The following SPIDR variants were observed in gnomAD, a reference collection of about 807,000 sequenced individuals.
SPIDR encodes the protein DNA repair-scaffolding protein.
In SPIDR, 93 loss-of-function variants were observed where a neutral mutation model predicts 104.6. The observed-to-expected ratio is 0.89, with a 90% CI of 0.75 to 1.06. The LOEUF (loss-of-function observed/expected upper bound fraction) is 1.06, where lower values mean the gene tolerates loss of function less well. SPIDR is among the 50% of genes least tolerant of loss of function. The probability of loss-of-function intolerance (pLI) is 0.00; values close to 1 mark genes in which losing one functional copy is unlikely to be tolerated. For synonymous variants in SPIDR, 431 were observed against 416.9 expected (o/e 1.03, Z -0.41); for missense variants, 1,154 against 1,111.2 (o/e 1.04, Z -0.55).
At chr8:47,314,528 A>G (rs985491160) in intron 5 of SPIDR, among the ~76,000 whole-genome samples, 4 of 152,176 alleles carry the variant, frequency 2.6e-5, no homozygotes, top group African/African-American at 9.6e-5. Flanking sequence ...TGTCCTTCAC[A>G]GGGTGGCAGC....
chr8:47,411,614 C>G (rs1381833085), intron 7 of SPIDR, among the ~76,000 whole-genome samples: 1 of 152,154 alleles, frequency 6.6e-6, no homozygotes, highest in Non-Finnish European at 1.5e-5. Context: ...TGCCTGTTCA[C>G]TCTGATGGTA....
chr8:47,421,425 G>A (rs782704622), intron 7 of SPIDR, among the ~76,000 whole-genome samples: 71 of 152,154 alleles, frequency 4.7e-4, no homozygotes, highest in Non-Finnish European at 7.6e-4. Flanking sequence ...TTGTGGGTTC[G>A]TCCTGTCGTT....
In SPIDR at chr8:47,293,904, CAG is replaced by C; in HGVS notation, c.400_401del (p.Arg134GlyfsTer4). 2 of 1,612,986 alleles carry C rather than the reference CAG, an allele frequency of 1.2e-6. No homozygotes were observed. The highest frequency in any genetic ancestry group is 1.7e-6 in the Non-Finnish European group (2 of 1,179,630). ...QFIDWEIDSD[R>X]AEASDCDEFE... ...TTATCGACTGGGAGATTGACAGTGA[CAG>C]GGCAGAGGCTAGTGACTGTGATGAA... is the stretch of plus-strand genomic sequence containing the variant. On this transcript the variant is annotated frameshift_variant, in exon 5 of 20. Transcript: ENST00000297423. LOFTEE classifies it high-confidence loss of function.
chr8:47,727,110 C>T, intron 16 of SPIDR, 90 bp from the exon 17 acceptor site: 1 of 1,058,440 alleles, frequency 9.4e-7, no homozygotes, highest in Non-Finnish European at 1.4e-6. Flanking sequence ...ATCACGAGGC[C>T]CCTCATGTTG....
chr8:47,553,526 T>C (rs1420093261), intron 8 of SPIDR, among the ~76,000 whole-genome samples: 1 of 152,246 alleles, frequency 6.6e-6, no homozygotes, highest in African/African-American at 2.4e-5. Context: ...TTTCTTCCAG[T>C]TGATTGAATC....
rs566057536 is a variant in SPIDR at position 47,473,777 on chromosome 8, A to G, written c.1097+33235A>G. Among the ~76,000 whole-genome samples, 4 of 152,254 alleles carry G rather than the reference A, an allele frequency of 2.6e-5. No homozygotes were observed. The East Asian group carries it at 7.7e-4, about 29-fold the overall frequency. On this transcript the variant is annotated intron_variant, in intron 8 of 19. Coordinates refer to ENST00000297423, the MANE Select transcript of SPIDR (RefSeq NM_001080394.4). ...TATAGTCTTCATGTTTTCTCACAGG[A>G]TCTGGAAATTAGATCCCAACTGATT...
intron 8 of SPIDR, among the ~76,000 whole-genome samples, chr8:47,526,942 C>A (rs566311755): frequency 6.6e-6 from 1 of 152,142 alleles, no homozygotes; most frequent in Non-Finnish European, 1.5e-5. Flanking sequence ...CTGAAGGGGA[C>A]GTATCCAGCA....
intron 5 of SPIDR, among the ~76,000 whole-genome samples, chr8:47,306,394 G>A (rs2154251436): frequency 6.6e-6 from 1 of 152,286 alleles, no homozygotes; most frequent in East Asian, 1.9e-4. Flanking sequence ...GCCCACCTCA[G>A]CCTCACAAAG....
intron 8 of SPIDR, among the ~76,000 whole-genome samples, chr8:47,593,908 C>A (rs999226255): frequency 6.6e-6 from 1 of 152,082 alleles, no homozygotes; most frequent in African/African-American, 2.4e-5. Context: ...CACTGAGCAG[C>A]GGTGAAAATC....
At chr8:47,452,570 A>G (rs975581139) in intron 8 of SPIDR, among the ~76,000 whole-genome samples, 16 of 152,212 alleles carry the variant, frequency 1.1e-4, no homozygotes, top group Non-Finnish European at 1.2e-4. Context: ...ATGCAAATCA[A>G]TAAACGTAAT....
At chr8:47,576,507 C>T (rs911101578) in intron 8 of SPIDR, among the ~76,000 whole-genome samples, 1 of 151,846 alleles carries the variant, frequency 6.6e-6, no homozygotes, top group Non-Finnish European at 1.5e-5. Flanking sequence ...GATCTTGACT[C>T]ATTGCAACCT....
intron 8 of SPIDR, among the ~76,000 whole-genome samples, chr8:47,515,428 G>T (rs1197520189): frequency 2.0e-5 from 3 of 152,154 alleles, no homozygotes; most frequent in Non-Finnish European, 2.9e-5. Context: ...TTATGTGGTT[G>T]TCCTGAGCTT....
At chr8:47,548,193 A>C (rs886463017) in intron 8 of SPIDR, among the ~76,000 whole-genome samples, 1 of 152,198 alleles carries the variant, frequency 6.6e-6, no homozygotes, top group East Asian at 1.9e-4. Context: ...TTTGCCTTAA[A>C]CTAAAACTCA....
chr8:47,308,472 A>C (rs1379907225), intron 5 of SPIDR, among the ~76,000 whole-genome samples: 1 of 150,822 alleles, frequency 6.6e-6, no homozygotes, highest in Non-Finnish European at 1.5e-5. Context: ...AGATTCTCTG[A>C]GTCTTTTCTA....
chr8:47,489,346 T>TA (rs2078267173), intron 8 of SPIDR, among the ~76,000 whole-genome samples: 1 of 152,040 alleles, frequency 6.6e-6, no homozygotes, highest in Non-Finnish European at 1.5e-5. Flanking sequence ...CTCAATGAAA[T>TA]AAAAGAGGAC....
chr8:47,611,470 G>A (rs1416175813), intron 10 of SPIDR, among the ~76,000 whole-genome samples: 1 of 152,046 alleles, frequency 6.6e-6, no homozygotes, highest in African/African-American at 2.4e-5. Flanking sequence ...AGGCCGAGAC[G>A]GGCAGATCAC....
At chr8:47,307,219 T>C (rs2043232145) in intron 5 of SPIDR, among the ~76,000 whole-genome samples, 1 of 151,936 alleles carries the variant, frequency 6.6e-6, no homozygotes, top group South Asian at 2.1e-4. Flanking sequence ...AATTCCTTTC[T>C]TCTTTCTTTC....
chr8:47,441,530 C>T (rs2069428832), intron 8 of SPIDR, among the ~76,000 whole-genome samples: 1 of 151,588 alleles, frequency 6.6e-6, no homozygotes, highest in Non-Finnish European at 1.5e-5. Flanking sequence ...AAAAGTAGTG[C>T]CTTGTCAGTC....
intron 5 of SPIDR, among the ~76,000 whole-genome samples, chr8:47,314,311 G>A (rs1170064560): frequency 6.6e-5 from 10 of 152,130 alleles, no homozygotes; most frequent in African/African-American, 2.4e-4. Flanking sequence ...ATTCTGAAAT[G>A]TATTTAGAGA....
Sources: allele counts gnomAD v4.1 joint callset (sites outside exome capture counted in the v4.1 genomes callset), GRCh38; gene constraint gnomAD v4.1.1; transcripts MANE v1.5; gene names NCBI Gene and HGNC (gene_info 2026-07-23, HGNC 2026-07-21).